The following ANKRD31 variants were observed in gnomAD, a reference collection of about 807,000 sequenced individuals.
ANKRD31 encodes the protein ankyrin repeat domain-containing protein 31.
ANKRD31 carries 147 observed loss-of-function variants against 186.0 expected under a neutral mutation model. That is an observed-to-expected ratio of 0.79 (90% CI 0.69 to 0.91). The LOEUF (loss-of-function observed/expected upper bound fraction) is 0.91, where lower values mean the gene tolerates loss of function less well. Among genes scored for constraint, ANKRD31 ranks in the 40% least tolerant of loss-of-function variants. The probability of loss-of-function intolerance (pLI) is 0.00; values close to 1 mark genes in which losing one functional copy is unlikely to be tolerated. For synonymous variants in ANKRD31, 673 were observed against 736.4 expected (o/e 0.91, Z 1.39); for missense variants, 1,986 against 2,148.8 (o/e 0.92, Z 1.50).
rs571907271 is a variant in ANKRD31, at chr5:75,230,466, G to C, written c.178+96C>G. 8 of 881,202 alleles carry C rather than the reference G, an allele frequency of 9.1e-6. No homozygotes were observed. In the South Asian group the frequency reaches 1.4e-4, roughly 16 times the overall value. 54.6% of individuals were successfully genotyped at this position (881,202 alleles called of 1,614,324 possible). On this transcript the variant is annotated intron_variant, in intron 2 of 25. Transcript: ENST00000506364. ...AATTGGTTTCCTTATAATTCATTTT[G>C]CTTAAAGTCTCAGTTTCCAAGAACC...
intron 21 of ANKRD31, 68 bp from the exon 22 acceptor site, chr5:75,105,286 A>G: frequency 7.2e-7 from 1 of 1,384,826 alleles, no homozygotes; most frequent in Non-Finnish European, 9.4e-7. Flanking sequence ...GGTCACTTAG[A>G]GGTTAAAGAT....
At chr5:75,221,270 T>C (rs1368669660) in intron 3 of ANKRD31, among the ~76,000 whole-genome samples, 1 of 152,064 alleles carries the variant, frequency 6.6e-6, no homozygotes, top group Non-Finnish European at 1.5e-5. Context: ...ACCAAAAAAA[T>C]TGATTCTCAG....
intron 17 of ANKRD31, among the ~76,000 whole-genome samples, chr5:75,130,469 CATTTTACA>C (rs1749692886): frequency 6.6e-6 from 1 of 151,632 alleles, no homozygotes; most frequent in Non-Finnish European, 1.5e-5. Flanking sequence ...CTGATTGGTC[CATTTTACA>C]GAGAGCTGAT....
intron 11 of ANKRD31, among the ~76,000 whole-genome samples, chr5:75,165,031 T>C (rs1752824192): frequency 2.0e-5 from 3 of 152,240 alleles, no homozygotes; most frequent in Non-Finnish European, 2.9e-5. Flanking sequence ...GTGATATGTA[T>C]GGCATTTTTC....
chr5:75,220,293 A>G (rs1252253464), intron 3 of ANKRD31, among the ~76,000 whole-genome samples: 2 of 152,184 alleles, frequency 1.3e-5, no homozygotes, highest in African/African-American at 4.8e-5. Flanking sequence ...GGTCTAATAT[A>G]CAGAATCTAC....
intron 1 of ANKRD31, among the ~76,000 whole-genome samples, chr5:75,235,777 C>G (rs1369131269): frequency 1.3e-5 from 2 of 152,126 alleles, no homozygotes; most frequent in African/African-American, 4.8e-5. Context: ...GGACAGAATC[C>G]CCCTTTTTTC....
At chr5:75,208,986 T>C (rs1434540636) in intron 4 of ANKRD31, among the ~76,000 whole-genome samples, 1 of 152,252 alleles carries the variant, frequency 6.6e-6, no homozygotes, top group Non-Finnish European at 1.5e-5. Context: ...CTGTTCATTT[T>C]CAGCAAACCT....
At chr5:75,127,495 T>C (rs1253725120) in intron 17 of ANKRD31, among the ~76,000 whole-genome samples, 1 of 152,198 alleles carries the variant, frequency 6.6e-6, no homozygotes, top group African/African-American at 2.4e-5. Flanking sequence ...GAAATCCTAA[T>C]CTAACTTATG....
Position 75,104,679 on chromosome 5 carries a change from T to C in ANKRD31, c.4880A>G (p.Asp1627Gly), listed in dbSNP as rs1221060340. ...QKENDLTEAT[D>G]KDHEFYVSSP... ...AGAAACATAGAATTCATGGTCTTTGTCTGTAGCTTCTGTAAGATCATTCTC... is the reference window on the plus strand; with the variant it reads ...AGAAACATAGAATTCATGGTCTTTGCCTGTAGCTTCTGTAAGATCATTCTC... The change falls in exon 22 of 26, where the codon GAC becomes GGC. Residue 1627 changes from aspartate (D) to glycine (G), a missense_variant. By Grantham distance (94) the Asp-to-Gly change is moderately conservative (BLOSUM62 -1). Coordinates refer to ENST00000506364, the MANE Select transcript of ANKRD31 (RefSeq NM_001372053.1). The C allele has an allele frequency of 6.5e-7, 1 of 1,536,388 alleles. No individual in the cohort carries two copies. The highest frequency in any genetic ancestry group is 8.7e-7 in the Non-Finnish European group (1 of 1,146,602).
Position 75,222,258 on chromosome 5 carries a change from T to C in ANKRD31, c.279A>G (p.Thr93=). The C allele has an allele frequency of 6.5e-7, 1 of 1,534,056 alleles. No homozygotes were observed. The highest frequency in any genetic ancestry group is 1.2e-5 in the South Asian group (1 of 83,890). The change falls in exon 3 of 26, where the codon ACA becomes ACG. Residue 93 remains threonine, a synonymous_variant. Transcript: ENST00000506364. ...TCAACATGCTACACACCTGTAATAT[T>C]GTATCCTCGCTAAGAACAGGCATCA... ...NKMMPVLSED[T]ILQSQDETER...
At chr5:75,140,284 A>AG (rs756050618) in intron 15 of ANKRD31, among the ~76,000 whole-genome samples, 168 of 58,360 alleles carry the variant, frequency 2.9e-3, no homozygotes, top group Admixed American at 8.4e-3. Flanking sequence ...AGAGAGAGAA[A>AG]GAAAGGAAGG....
intron 1 of ANKRD31, 89 bp downstream of exon 1, chr5:75,236,494 G>T (rs1156397762): frequency 1.9e-6 from 2 of 1,071,008 alleles, no homozygotes; most frequent in Non-Finnish European, 2.7e-6. Flanking sequence ...TTCTGGTCAC[G>T]ATCTCCACTC....
intron 1 of ANKRD31, among the ~76,000 whole-genome samples, chr5:75,231,177 C>T (rs1299326091): frequency 6.6e-6 from 1 of 152,096 alleles, no homozygotes; most frequent in African/African-American, 2.4e-5. Context: ...TCAAGAGATC[C>T]TCCTGCCTCA....
intron 17 of ANKRD31, among the ~76,000 whole-genome samples, chr5:75,132,795 C>G (rs1749982357): frequency 6.6e-6 from 1 of 152,198 alleles, no homozygotes; most frequent in Non-Finnish European, 1.5e-5. Context: ...AAAGGGAAGC[C>G]CATCAGACTA....
At chr5:75,116,506 G>A (rs1333092380) in intron 19 of ANKRD31, 60 bp downstream of exon 19, 11 of 1,052,226 alleles carry the variant, frequency 1.0e-5, no homozygotes, top group Non-Finnish European at 1.2e-5. Flanking sequence ...TAACTAACTG[G>A]CTGGCTCAAA....
In ANKRD31 at chr5:75,109,829, GA is replaced by G. The variant is rs961624946; in HGVS notation, c.4244-2213del. ...AGAGTCTGTGTAGGATGGTCCATCA[GA>G]AAAAAAAAATAGAAGCTGAGAGAAG... On this transcript the variant is annotated intron_variant, in intron 20 of 25. Transcript: ENST00000506364. Among the ~76,000 whole-genome samples, 7 of 148,464 alleles carry G rather than the reference GA, an allele frequency of 4.7e-5. No homozygotes were observed. The South Asian group carries it at 6.4e-4, about 13-fold the overall frequency.
chr5:75,120,960 G>A (rs370399217), intron 17 of ANKRD31, among the ~76,000 whole-genome samples: 46 of 152,152 alleles, frequency 3.0e-4, no homozygotes, highest in African/African-American at 8.4e-4. Flanking sequence ...CGAGACAGGC[G>A]GATCATTAGG....
intron 19 of ANKRD31, among the ~76,000 whole-genome samples, chr5:75,115,688 G>A (rs891012933): frequency 6.6e-6 from 1 of 152,014 alleles, no homozygotes; most frequent in Non-Finnish European, 1.5e-5. Context: ...TCAGAGAAAT[G>A]CAAATCAAAA....
In ANKRD31 at chr5:75,104,776, C is replaced by A. The variant is rs748746716; in HGVS notation, c.4783G>T (p.Asp1595Tyr). The A allele has an allele frequency of 6.5e-7, 1 of 1,537,220 alleles. No homozygotes were observed. The highest frequency in any genetic ancestry group is 1.4e-5 in the African/African-American group (1 of 73,156). The change falls in exon 22 of 26, where the codon GAT (aspartate) becomes TAT (tyrosine). Residue 1595 changes from aspartate to tyrosine, a missense_variant. By Grantham distance (160) the Asp-to-Tyr change is radical. Coordinates refer to ENST00000506364, the MANE Select transcript of ANKRD31 (RefSeq NM_001372053.1). Reference sequence around the variant, plus strand: ...GGTAATTTATTCTTCTCTGTGCCATCTGAATGTCTGGATTTTGGAAAACCA... The same window carrying A: ...GGTAATTTATTCTTCTCTGTGCCATATGAATGTCTGGATTTTGGAAAACCA... ...LDGFPKSRHS[D>Y]GTEKNKLPSQ...
Sources: allele counts gnomAD v4.1 joint callset (sites outside exome capture counted in the v4.1 genomes callset), GRCh38; gene constraint gnomAD v4.1.1; transcripts MANE v1.5; gene names NCBI Gene and HGNC (gene_info 2026-07-23, HGNC 2026-07-21).